SOX5: variants seen among roughly 807,000 people sequenced by gnomAD.
SOX5 encodes SRY-box transcription factor 5, also known as transcription factor SOX-5.
A neutral mutation model predicts 92.0 loss-of-function variants in SOX5; 9 were observed. The ratio of observed to expected loss-of-function variants is 0.10; its 90% CI spans 0.06 to 0.17. The LOEUF is 0.17. Ranked by LOEUF, SOX5 falls within the 10% of genes least tolerant of loss-of-function variation. SOX5 has a pLI of 1.00. For synonymous variants in SOX5, 344 were observed against 336.3 expected (o/e 1.02, Z -0.25); for missense variants, 642 against 944.5 (o/e 0.68, Z 4.20).
At chr12:24,476,507 C>T (rs569264404) in intron 1 of SOX5, among the ~76,000 whole-genome samples, 19 of 152,248 alleles carry the variant, frequency 1.2e-4, no homozygotes, top group African/African-American at 4.1e-4. Context: ...AAAAGTCTTT[C>T]AACAACGAAA....
intron 2 of SOX5, among the ~76,000 whole-genome samples, chr12:24,341,848 A>G (rs1347665995): frequency 6.6e-6 from 1 of 152,166 alleles, no homozygotes; most frequent in Non-Finnish European, 1.5e-5. Context: ...TCCAGTGCCC[A>G]GTGCCCACTG....
chr12:24,040,733 C>CGAG (rs1275354776), intron 4 of SOX5, among the ~76,000 whole-genome samples: 1 of 152,022 alleles, frequency 6.6e-6, no homozygotes, highest in African/African-American at 2.4e-5. Context: ...GTTAGCCGGG[C>CGAG]GTGGTGGCGG....
intron 8 of SOX5, among the ~76,000 whole-genome samples, chr12:23,625,144 T>A (rs7308074): frequency 0.67 from 102,611 of 152,096 alleles, 34,775 homozygotes; most frequent in African/African-American, 0.72. Flanking sequence ...AAACAAAGTG[T>A]AAAGCAATTC....
At position 23,842,429 on chromosome 12, in the gene SOX5, T is replaced by C. The variant is rs529731402; in HGVS notation, c.481+3554A>G. ...ATAGAAATATTTATAGATATATACA[T>C]ATATAGGTTAGTACACACACATGTA... On this transcript the variant is annotated intron_variant, in intron 3 of 14. Coordinates refer to ENST00000451604, the MANE Select transcript of SOX5 (RefSeq NM_006940.6). Among the ~76,000 whole-genome samples the C allele has an allele frequency of 3.3e-5, 5 of 152,232 alleles. No individual in the cohort carries two copies. In the South Asian group the frequency reaches 6.2e-4, roughly 19 times the overall value.
chr12:23,902,327 C>A (rs2097243366), intron 1 of SOX5, among the ~76,000 whole-genome samples: 1 of 151,858 alleles, frequency 6.6e-6, no homozygotes. Flanking sequence ...ATATTTTAAC[C>A]TTTGACTAGA....
chr12:23,810,431 C>T (rs1362402376), intron 3 of SOX5, among the ~76,000 whole-genome samples: 1 of 152,162 alleles, frequency 6.6e-6, no homozygotes, highest in Non-Finnish European at 1.5e-5. Flanking sequence ...CAGATCTTGG[C>T]AACCTGTGAA....
chr12:23,946,085 C>A (rs946391174), intron 1 of SOX5, among the ~76,000 whole-genome samples: 1 of 151,926 alleles, frequency 6.6e-6, no homozygotes, highest in African/African-American at 2.4e-5. Context: ...GTCAGCATGA[C>A]CAGAAATAAA....
At chr12:24,406,333 G>T (rs1237332510) in intron 1 of SOX5, among the ~76,000 whole-genome samples, 2 of 152,118 alleles carry the variant, frequency 1.3e-5, no homozygotes, top group Non-Finnish European at 2.9e-5. Context: ...AGCTGCGTGG[G>T]TCCATCGGAG....
At chr12:23,551,465 T>A (rs985427624) in intron 11 of SOX5, among the ~76,000 whole-genome samples, 5 of 151,820 alleles carry the variant, frequency 3.3e-5, no homozygotes, top group Non-Finnish European at 7.4e-5. Flanking sequence ...GGGTTTCTTG[T>A]AAGTTATGTA....
intron 9 of SOX5, among the ~76,000 whole-genome samples, chr12:23,590,551 G>A (rs1268252449): frequency 6.6e-6 from 1 of 151,926 alleles, no homozygotes; most frequent in Non-Finnish European, 1.5e-5. Context: ...CCCAGGTTAT[G>A]TTACAAAGTT....
intron 1 of SOX5, among the ~76,000 whole-genome samples, chr12:24,474,478 T>A (rs1465427541): frequency 6.6e-6 from 1 of 152,204 alleles, no homozygotes; most frequent in Non-Finnish European, 1.5e-5. Flanking sequence ...GTGCAAAAAA[T>A]GTAAAAGATT....
At chr12:24,164,845 C>A (rs1181754139) in intron 4 of SOX5, among the ~76,000 whole-genome samples, 3 of 151,928 alleles carry the variant, frequency 2.0e-5, no homozygotes, top group African/African-American at 2.4e-5. Flanking sequence ...AAAAAGAATT[C>A]TTCTTTATGA....
At chr12:24,202,513 T>C (rs569308558) in intron 4 of SOX5, among the ~76,000 whole-genome samples, 3 of 152,224 alleles carry the variant, frequency 2.0e-5, no homozygotes, top group Non-Finnish European at 4.4e-5. Flanking sequence ...TGATGATCTA[T>C]GGCCCTCATT....
Position 23,534,127 on chromosome 12 carries a change from G to T in SOX5, c.*92C>A. The T allele has an allele frequency of 1.0e-6, 1 of 1,000,160 alleles. No homozygotes were observed. The allele number at this position is 1,000,160 out of a possible 1,614,324, so 62.0% of individuals were successfully genotyped here. ...ACTAACAGTTAAAGTAACAGTCAGT[G>T]TATGAGAAAGTTAATGTGCTTGGCC... On this transcript the variant is annotated 3_prime_UTR_variant, in exon 15 of 15. Coordinates refer to ENST00000451604, the MANE Select transcript of SOX5 (RefSeq NM_006940.6).
intron 2 of SOX5, among the ~76,000 whole-genome samples, chr12:24,289,603 G>A (rs1410588302): frequency 1.4e-5 from 2 of 143,202 alleles, no homozygotes; most frequent in Admixed American, 6.8e-5. Flanking sequence ...ACAGGCGCCC[G>A]CCACTACGCC....
chr12:23,909,449 A>T (rs2138320735), intron 1 of SOX5, among the ~76,000 whole-genome samples: 1 of 152,318 alleles, frequency 6.6e-6, no homozygotes, highest in East Asian at 1.9e-4. Context: ...TATCACCACA[A>T]AATCTGTCAG....
chr12:23,927,818 A>G (rs1306074910), intron 1 of SOX5, among the ~76,000 whole-genome samples: 1 of 152,020 alleles, frequency 6.6e-6, no homozygotes, highest in Non-Finnish European at 1.5e-5. Flanking sequence ...GTAAGACCAA[A>G]CTCTATTTAT....
intron 4 of SOX5, among the ~76,000 whole-genome samples, chr12:24,182,201 A>G (rs1955566954): frequency 6.6e-6 from 1 of 152,222 alleles, no homozygotes; most frequent in South Asian, 2.1e-4. Flanking sequence ...ACAAAAAGAC[A>G]TTATTAGTAG....
At chr12:24,489,538 A>C (rs1247081312) in intron 1 of SOX5, among the ~76,000 whole-genome samples, 1 of 152,202 alleles carries the variant, frequency 6.6e-6, no homozygotes, top group African/African-American at 2.4e-5. Flanking sequence ...AAGAAGAATA[A>C]AGAGAGAAGG....
Sources: allele counts gnomAD v4.1 joint callset (sites outside exome capture counted in the v4.1 genomes callset), GRCh38; gene constraint gnomAD v4.1.1; transcripts MANE v1.5; gene names NCBI Gene and HGNC (gene_info 2026-07-23, HGNC 2026-07-21).